Variants in RNF123 observed in about 807,000 individuals in gnomAD.
RNF123 encodes E3 ubiquitin-protein ligase RNF123.
Under a neutral mutation model 168.5 loss-of-function variants are expected in RNF123, and 86 were observed. That is an observed-to-expected ratio of 0.51 (90% CI 0.43 to 0.61). The LOEUF is 0.61. Ranked by LOEUF, RNF123 falls within the 20% of genes least tolerant of loss-of-function variation. The pLI, the probability that RNF123 is intolerant of heterozygous loss-of-function variation, is 0.00. For synonymous variants in RNF123, 666 were observed against 689.1 expected, an observed-to-expected ratio of 0.97 and a Z score of 0.52; for missense variants, 1,419 against 1,729.7, an observed-to-expected ratio of 0.82 and a Z score of 3.19.
chr3:49,701,937 G>A lies in RNF123; in HGVS notation c.1495+27G>A, dbSNP rs960330191. ...TCAGCCCGCCTTGGGCACGGGGTAG[G>A]GTGGGAGGTGTGTGTGTGCACATGA... On this transcript the variant is annotated intron_variant, in intron 17 of 38. Transcript: ENST00000327697. 8 of 1,556,146 alleles carry A rather than the reference G, an allele frequency of 5.1e-6. No homozygotes were observed. The Admixed American group carries it at 1.2e-4, about 23-fold the overall frequency.
rs1247367178 is a variant in RNF123, at chr3:49,702,338, A to G, written c.1562A>G (p.Glu521Gly). 2.5e-6 allele frequency: 4 copies of G among 1,614,060 alleles called. No homozygotes were observed. In the East Asian group the frequency reaches 8.9e-5, roughly 36 times the overall value. Residue 521 changes from glutamate (E) to glycine (G), a missense_variant, in exon 19 of 39, where the codon GAA becomes GGA. Coordinates refer to ENST00000327697, the MANE Select transcript of RNF123 (RefSeq NM_022064.5). ...TCACTTTTCCCTCTCTCAAAGGGTG[A>G]AGCTTCTAGGTATATCTTCCTGACC... ...LLDNKDDNGGEASRYIFLTKF... is the reference protein window; with the variant it reads ...LLDNKDDNGGGASRYIFLTKF...
At chr3:49,718,630 A>C (rs911406185) in intron 35 of RNF123, 1 of 1,612,894 alleles carries the variant, frequency 6.2e-7, no homozygotes, top group Non-Finnish European at 8.5e-7. Flanking sequence ...CTCTAGGCCA[A>C]GAGCTGGGGC....
chr3:49,720,478 C>G, intron 35 of RNF123, 33 bp from the exon 36 acceptor site: 1 of 1,517,754 alleles, frequency 6.6e-7, no homozygotes, highest in East Asian at 2.3e-5. Flanking sequence ...GGCCCCAAGC[C>G]TTCTGACTGC....
Position 49,704,648 on chromosome 3 carries a change from A to C in RNF123, c.1853-2A>C, listed in dbSNP as rs2054475687. On this transcript the variant is annotated splice_acceptor_variant, in intron 21 of 38. Coordinates refer to ENST00000327697, the MANE Select transcript of RNF123 (RefSeq NM_022064.5). LOFTEE classifies it high-confidence loss of function. ...TGAGAACCCTCCTGCTCTTCCTCCC[A>C]GATGACCTTGCTTCCAAAGCCAACA... The C allele has an allele frequency of 6.2e-7, 1 of 1,608,142 alleles. No individual in the cohort carries two copies. The highest frequency in any genetic ancestry group is 1.1e-5 in the South Asian group (1 of 89,880).
chr3:49,713,156 G>A, intron 27 of RNF123: 1 of 592,068 alleles, frequency 1.7e-6, no homozygotes, highest in Non-Finnish European at 3.0e-6. Flanking sequence ...GAGCTGTCAG[G>A]CCCCTAGCCT....
chr3:49,718,693 G>T lies in RNF123; in HGVS notation c.3501-1818G>T, dbSNP rs1275966099. 5 of 1,612,864 alleles carry T rather than the reference G, an allele frequency of 3.1e-6. No individual in the cohort carries two copies. The African/African-American group carries it at 6.7e-5, about 22-fold the overall frequency. On this transcript the variant is annotated intron_variant, in intron 35 of 38. Transcript: ENST00000327697. ...GTGCTGGAAGAAGCGCACGCGGGAC[G>T]CGGGTACCTTGAAGGCCAAGCATAC...
chr3:49,717,809 C>G (rs1487332663), intron 35 of RNF123: 2 of 875,284 alleles, frequency 2.3e-6, no homozygotes, highest in African/African-American at 3.4e-5. Flanking sequence ...CGAGAAGGCC[C>G]ATTGTGTTTC....
rs1575516048 is a variant in RNF123 at position 49,691,368 on chromosome 3, G to A, written c.83-57G>A. On this transcript the variant is annotated intron_variant, in intron 2 of 38. Transcript: ENST00000327697. The stretch of plus-strand genomic sequence containing the variant: ...GACCAGAAGTCTCTGGGGCCAGCAG[G>A]GGCCAGGAGCTGCACTGATCATGTG... The A allele has an allele frequency of 1.4e-5, 22 of 1,604,282 alleles. No homozygotes were observed. The East Asian group carries it at 3.8e-4, about 28-fold the overall frequency.
In RNF123 at chr3:49,713,809, C is replaced by T. The variant is rs1372546460; in HGVS notation, c.2821C>T (p.Arg941Ter). 7 of 1,612,740 alleles carry T rather than the reference C, an allele frequency of 4.3e-6. No homozygotes were observed. Among genetic ancestry groups the T allele is most frequent in the Middle Eastern group, 1.7e-4 (1 of 6,028 alleles). ...CYPHSLRAVE[R>*]IPEEQRIAMV... ...CCCACACTCCCTGCGGGCTGTGGAGCGAATCCCCGAGGAGCAGTGAGTGGG... is the reference window on the plus strand; with the variant it reads ...CCCACACTCCCTGCGGGCTGTGGAGTGAATCCCCGAGGAGCAGTGAGTGGG... The change falls in exon 29 of 39, where the codon CGA becomes TGA. Residue 941 changes from arginine to a stop codon, truncating the protein, a stop_gained. Transcript: ENST00000327697. LOFTEE classifies it high-confidence loss of function.
At chr3:49,711,568 C>T (rs961437779) in intron 26 of RNF123, among the ~76,000 whole-genome samples, 2 of 152,126 alleles carry the variant, frequency 1.3e-5, no homozygotes, top group African/African-American at 4.8e-5. Context: ...CTAGGCCCTC[C>T]CCTAACCTCT....
intron 3 of RNF123, among the ~76,000 whole-genome samples, chr3:49,693,196 C>T (rs986735123): frequency 6.6e-6 from 1 of 151,052 alleles, no homozygotes; most frequent in Non-Finnish European, 1.5e-5. Flanking sequence ...CTGCAGGTGC[C>T]CGCCACCATG....
In RNF123 at chr3:49,702,659, G is replaced by T; in HGVS notation, c.1656G>T (p.Glu552Asp). Reference sequence around the variant, plus strand: ...ACATGCCCATGCTCTGCCCCCCTGAGTACATGGTCTGCTTCTTACACCGGC... The same window carrying T: ...ACATGCCCATGCTCTGCCCCCCTGATTACATGGTCTGCTTCTTACACCGGC... ...RGNMPMLCPP[E>D]YMVCFLHRLI... The change falls in exon 20 of 39, where the codon GAG becomes GAT. Residue 552 changes from glutamate (E) to aspartate (D), a missense_variant. This residue lies in a region of RNF123 where 349 missense variants were observed against 344.9 expected (regional missense o/e 1.01). Transcript: ENST00000327697. 6.2e-7 allele frequency: 1 copy of T among 1,614,238 alleles called. No homozygotes were observed. Among genetic ancestry groups the T allele is most frequent in the Non-Finnish European group, 8.5e-7 (1 of 1,180,036 alleles).
At chr3:49,704,550 C>T (rs1015465484) in intron 21 of RNF123, 100 bp from the exon 22 acceptor site, 2 of 1,010,466 alleles carry the variant, frequency 2.0e-6, no homozygotes, top group Non-Finnish European at 1.5e-6. Flanking sequence ...TCTGCAAGGC[C>T]TCCTGCCCAG....
rs766328045 is a variant in RNF123 at position 49,712,446 on chromosome 3, G to A, written c.2497-33G>A. 1.6e-5 allele frequency: 26 copies of A among 1,608,874 alleles called. No individual in the cohort carries two copies. In the South Asian group the frequency reaches 2.0e-4, roughly 12 times the overall value. ...CATGCCCCCAAGACCCCACTGGTGCGCAACCCAGCAGCACCCCGTGTGCCT... is the reference window on the plus strand; with the variant it reads ...CATGCCCCCAAGACCCCACTGGTGCACAACCCAGCAGCACCCCGTGTGCCT... On this transcript the variant is annotated intron_variant, in intron 26 of 38. Transcript: ENST00000327697.
Position 49,713,581 on chromosome 3 carries a change from G to C in RNF123, c.2743G>C (p.Gly915Arg). Residue 915 changes from glycine to arginine, a missense_variant, in exon 28 of 39, where the codon GGC (glycine) becomes CGC (arginine). Physicochemically the swap from Gly to Arg is moderately radical, Grantham distance 125. This residue lies in a region of RNF123 where 538 missense variants were observed against 708.8 expected (regional missense o/e 0.76). Coordinates refer to ENST00000327697, the MANE Select transcript of RNF123 (RefSeq NM_022064.5). ...ACACTTTGCCGACGCACGCATTGTG[G>C]GCACTGGTGAGGGGCCCCTACAGAG... is the stretch of plus-strand genomic sequence containing the variant. ...AKHFADARIVGTDIRDSLMQA... is the reference protein window; with the variant it reads ...AKHFADARIVRTDIRDSLMQA... The C allele has an allele frequency of 1.2e-6, 2 of 1,612,220 alleles. No individual in the cohort carries two copies. The highest frequency in any genetic ancestry group is 1.7e-6 in the Non-Finnish European group (2 of 1,179,244).
At position 49,697,893 on chromosome 3, in the gene RNF123, A is replaced by G. The variant is rs1391081913; in HGVS notation, c.351A>G (p.Gly117=). Residue 117 remains glycine, a synonymous_variant, in exon 6 of 39, where the codon GGA becomes GGG. Transcript: ENST00000327697. The part of the protein sequence containing the change: ...LVDDDLLGVI[G]HSNFGTIRST... ...CCCTCTTCTTCACCCAGGTGATTGGACACAGCAACTTTGGCACCATCCGCT... is the reference window on the plus strand; with the variant it reads ...CCCTCTTCTTCACCCAGGTGATTGGGCACAGCAACTTTGGCACCATCCGCT... The G allele has an allele frequency of 5.6e-6, 9 of 1,614,162 alleles. No individual in the cohort carries two copies. The highest frequency in any genetic ancestry group is 7.6e-6 in the Non-Finnish European group (9 of 1,180,036).
intron 35 of RNF123, chr3:49,719,023 A>G (rs958404515): frequency 1.2e-6 from 2 of 1,613,774 alleles, no homozygotes; most frequent in African/African-American, 1.3e-5. Flanking sequence ...ATGCTCGTCC[A>G]AGTGCACCAA....
At chr3:49,703,395 A>T in intron 20 of RNF123, 32 bp from the exon 21 acceptor site, 3 of 1,570,618 alleles carry the variant, frequency 1.9e-6, no homozygotes, top group Non-Finnish European at 2.6e-6. Flanking sequence ...CTGGGCCGTG[A>T]CCACTGGCCT....
intron 7 of RNF123, 48 bp downstream of exon 7, chr3:49,698,185 C>T: frequency 2.0e-6 from 3 of 1,518,640 alleles, no homozygotes; most frequent in Non-Finnish European, 2.7e-6. Context: ...GAGAGCTTCT[C>T]CTGCCACAGG....
Sources: allele counts gnomAD v4.1 joint callset (sites outside exome capture counted in the v4.1 genomes callset), GRCh38; gene constraint gnomAD v4.1.1; regional missense constraint gnomAD v4.1.1; transcripts MANE v1.5; gene names NCBI Gene and HGNC (gene_info 2026-07-23, HGNC 2026-07-21).